The following NOX4 variants were observed in gnomAD, a reference collection of about 807,000 sequenced individuals.
NOX4 encodes kidney oxidase-1.
A neutral mutation model predicts 87.6 loss-of-function variants in NOX4; 69 were observed. The observed-to-expected ratio is 0.79, with a 90% CI of 0.65 to 0.96. The LOEUF is 0.96. Among genes scored for constraint, NOX4 ranks in the 40% least tolerant of loss-of-function variants. The pLI, the probability that NOX4 is intolerant of heterozygous loss-of-function variation, is 0.00. For missense variants in NOX4, 680 were observed against 681.5 expected (o/e 1.00, Z 0.02); for synonymous variants, 275 against 238.2 (o/e 1.15, Z -1.42).
intron 14 of NOX4, among the ~76,000 whole-genome samples, chr11:89,341,588 T>C (rs1022209196): frequency 6.6e-6 from 1 of 152,238 alleles, no homozygotes; most frequent in African/African-American, 2.4e-5. Context: ...TTTGTCATAA[T>C]TCTAATATTT....
intron 8 of NOX4, among the ~76,000 whole-genome samples, chr11:89,417,876 A>C (rs1273520200): frequency 6.6e-6 from 1 of 152,240 alleles, no homozygotes; most frequent in Admixed American, 6.6e-5. Flanking sequence ...AAAAGCAAGG[A>C]CAAATTATCT....
At chr11:89,484,665 G>C (rs1946517573) in intron 2 of NOX4, among the ~76,000 whole-genome samples, 1 of 152,010 alleles carries the variant, frequency 6.6e-6, no homozygotes, top group South Asian at 2.1e-4. Flanking sequence ...GTTAAGTAAA[G>C]ATATCAAAGT....
chr11:89,491,376 G>A (rs2135501599), upstream of NOX4: 1 of 845,304 alleles, frequency 1.2e-6, no homozygotes, highest in East Asian at 3.0e-5. Context: ...AAGACTGAGT[G>A]GAAGCCCGAA....
At chr11:89,421,589 G>A (rs1287970927) in intron 8 of NOX4, among the ~76,000 whole-genome samples, 1 of 152,008 alleles carries the variant, frequency 6.6e-6, no homozygotes, top group Non-Finnish European at 1.5e-5. Flanking sequence ...TATTCCTGAT[G>A]TTCTTCATTC....
At chr11:89,424,529 G>A (rs1343153884) in intron 7 of NOX4, among the ~76,000 whole-genome samples, 3 of 151,462 alleles carry the variant, frequency 2.0e-5, no homozygotes, top group Non-Finnish European at 4.4e-5. Flanking sequence ...GATTTTCTTA[G>A]GAATACATCT....
chr11:89,451,578 G>A lies in NOX4; in HGVS notation c.264+207C>T, dbSNP rs144313273. 6.5e-4 allele frequency among the ~76,000 whole-genome samples: 99 copies of A among 152,274 alleles called. 1 individual carries two copies. In the East Asian group the frequency reaches 0.019, roughly 29 times the overall value. ...ACTAAGCATAGTGCTGGAAATCCCTGTTAATAATATTACTATTATCCTCTG... is the reference window on the plus strand; with the variant it reads ...ACTAAGCATAGTGCTGGAAATCCCTATTAATAATATTACTATTATCCTCTG... On this transcript the variant is annotated intron_variant, in intron 3 of 17. Coordinates refer to ENST00000263317, the MANE Select transcript of NOX4 (RefSeq NM_016931.5).
At chr11:89,335,071 C>T (rs1945643547) in intron 17 of NOX4, among the ~76,000 whole-genome samples, 1 of 151,644 alleles carries the variant, frequency 6.6e-6, no homozygotes, top group African/African-American at 2.4e-5. Flanking sequence ...TCAATATCTG[C>T]AATATGTTAG....
At chr11:89,386,325 C>G (rs950376568) in intron 11 of NOX4, among the ~76,000 whole-genome samples, 4 of 152,158 alleles carry the variant, frequency 2.6e-5, no homozygotes, top group African/African-American at 9.7e-5. Flanking sequence ...AAATATCCTG[C>G]CCTTGTTTAC....
chr11:89,515,639 C>T, the NOX4 span, among the ~76,000 whole-genome samples: 1 of 151,536 alleles, frequency 6.6e-6, no homozygotes, highest in Non-Finnish European at 1.5e-5. Flanking sequence ...TTTGCCTATA[C>T]CAGGATTGTA....
the NOX4 span, among the ~76,000 whole-genome samples, chr11:89,529,366 C>T: frequency 2.4e-4 from 37 of 152,218 alleles, no homozygotes; most frequent in East Asian, 6.2e-3. Flanking sequence ...ATCTAGTTAA[C>T]TAAAACCAAA....
the NOX4 span, among the ~76,000 whole-genome samples, chr11:89,518,403 T>TA: frequency 0.015 from 2,327 of 150,672 alleles, 47 homozygotes; most frequent in African/African-American, 0.048. Context: ...TACTTGCTTA[T>TA]AAAAAAAAAC....
At chr11:89,405,303 C>A (rs1410560257) in intron 8 of NOX4, among the ~76,000 whole-genome samples, 1 of 152,000 alleles carries the variant, frequency 6.6e-6, no homozygotes, top group Non-Finnish European at 1.5e-5. Flanking sequence ...CTGTTCTTGG[C>A]ACATAAAGTG....
At chr11:89,530,509 C>CTTT in the NOX4 span, among the ~76,000 whole-genome samples, 2 of 135,442 alleles carry the variant, frequency 1.5e-5, no homozygotes, top group African/African-American at 2.7e-5. Context: ...CATCTGTCTA[C>CTTT]TTTTTTTTTT....
At chr11:89,430,644 C>A (rs1172571972) in intron 7 of NOX4, among the ~76,000 whole-genome samples, 2 of 152,118 alleles carry the variant, frequency 1.3e-5, no homozygotes, top group Non-Finnish European at 2.9e-5. Context: ...ATCCAACTTA[C>A]AAGGGATGTG....
At chr11:89,539,744 G>T in the NOX4 span, among the ~76,000 whole-genome samples, 1 of 152,108 alleles carries the variant, frequency 6.6e-6, no homozygotes, top group Admixed American at 6.5e-5. Context: ...CCTAAGTCCT[G>T]ATACCAGAAC....
the NOX4 span, among the ~76,000 whole-genome samples, chr11:89,556,046 TACAG>T: frequency 6.6e-5 from 10 of 152,152 alleles, no homozygotes; most frequent in African/African-American, 1.9e-4. Flanking sequence ...TGCATTGAAA[TACAG>T]ACAATTTGGC....
the NOX4 span, among the ~76,000 whole-genome samples, chr11:89,525,222 G>A: frequency 6.6e-6 from 1 of 151,992 alleles, no homozygotes; most frequent in African/African-American, 2.4e-5. Flanking sequence ...ATTCCTAGGT[G>A]TGGAATAGCT....
chr11:89,558,496 C>A, the NOX4 span, among the ~76,000 whole-genome samples: 1 of 152,084 alleles, frequency 6.6e-6, no homozygotes, highest in African/African-American at 2.4e-5. Flanking sequence ...GCTGATGCTG[C>A]CCATATATAG....
intron 8 of NOX4, among the ~76,000 whole-genome samples, chr11:89,413,320 A>G (rs978425907): frequency 1.1e-4 from 16 of 152,280 alleles, no homozygotes; most frequent in African/African-American, 3.6e-4. Context: ...CAGCAATCCT[A>G]TTGGTAGGTA....
Sources: allele counts gnomAD v4.1 joint callset (sites outside exome capture counted in the v4.1 genomes callset), GRCh38; gene constraint gnomAD v4.1.1; transcripts MANE v1.5; gene names NCBI Gene and HGNC (gene_info 2026-07-23, HGNC 2026-07-21).